UNC5D: variants seen among roughly 807,000 people sequenced by gnomAD.
UNC5D encodes the protein unc-5 netrin receptor D.
Under a neutral mutation model 105.4 loss-of-function variants are expected in UNC5D, and 39 were observed. The ratio of observed to expected loss-of-function variants is 0.37; its 90% confidence interval spans 0.29 to 0.48. The LOEUF (loss-of-function observed/expected upper bound fraction) is 0.48. Ranked by LOEUF, UNC5D falls within the 20% of genes least tolerant of loss-of-function variation. The probability of loss-of-function intolerance (pLI) is 0.98; values close to 1 mark genes in which losing one functional copy is unlikely to be tolerated. For missense variants in UNC5D, 991 were observed against 1,202.4 expected (o/e 0.82, Z 2.60); for synonymous variants, 452 against 450.4 (o/e 1.00, Z -0.04).
In UNC5D at chr8:35,750,752, C is replaced by T; in HGVS notation, c.2106C>T (p.Asn702=). The change falls in exon 13 of 17, where the codon AAC becomes AAT. Residue 702 remains asparagine (N), a synonymous_variant. Transcript: ENST00000404895. ...KVAVFGCMSC[N]SLDYNLRVYC... is the part of the protein sequence containing the mutation. The stretch of plus-strand genomic sequence containing the variant: ...CGGTTTTTGGCTGCATGTCCTGTAA[C>T]TCCCTGGATTACAACTTGAGAGTTT... The T allele has an allele frequency of 6.2e-7, 1 of 1,614,144 alleles. No individual in the cohort carries two copies. The highest frequency in any genetic ancestry group is 8.5e-7 in the Non-Finnish European group (1 of 1,180,018).
chr8:35,330,237 T>C (rs1585599428), intron 1 of UNC5D, among the ~76,000 whole-genome samples: 1 of 152,340 alleles, frequency 6.6e-6, no homozygotes, highest in East Asian at 1.9e-4. Flanking sequence ...ACATATTAAC[T>C]GCTCAATAAA....
intron 7 of UNC5D, among the ~76,000 whole-genome samples, chr8:35,703,106 G>A (rs1357540124): frequency 6.6e-6 from 1 of 151,766 alleles, no homozygotes; most frequent in Non-Finnish European, 1.5e-5. Context: ...GTTTTAACAT[G>A]CATTCAAGAA....
At chr8:35,550,664 T>A (rs1431127510) in intron 2 of UNC5D, among the ~76,000 whole-genome samples, 1 of 152,154 alleles carries the variant, frequency 6.6e-6, no homozygotes, top group African/African-American at 2.4e-5. Context: ...AATATGCCCA[T>A]GAATGCTATG....
At chr8:35,393,125 C>CTTTTTTTT (rs34886215) in intron 1 of UNC5D, among the ~76,000 whole-genome samples, 2 of 75,068 alleles carry the variant, frequency 2.7e-5, no homozygotes, top group Admixed American at 1.8e-4. Context: ...CCTATTCCTA[C>CTTTTTTTT]TTTTTTTTTT....
intron 1 of UNC5D, among the ~76,000 whole-genome samples, chr8:35,522,064 A>C (rs554427416): frequency 6.6e-6 from 1 of 152,224 alleles, no homozygotes; most frequent in Admixed American, 6.5e-5. Flanking sequence ...CTTAGATTTC[A>C]TAACACCATG....
chr8:35,747,298 T>C (rs1381414836), intron 11 of UNC5D, among the ~76,000 whole-genome samples: 1 of 152,198 alleles, frequency 6.6e-6, no homozygotes, highest in Admixed American at 6.5e-5. Context: ...CTTGAGAGAA[T>C]AGGAGTTGTC....
At chr8:35,299,119 G>A (rs542484058) in intron 1 of UNC5D, among the ~76,000 whole-genome samples, 1 of 152,234 alleles carries the variant, frequency 6.6e-6, no homozygotes, top group Admixed American at 6.5e-5. Flanking sequence ...AGAACACTAA[G>A]GAATATGTAA....
Position 35,750,660 on chromosome 8 carries a change from A to T in UNC5D, c.2014A>T (p.Ser672Cys), listed in dbSNP as rs777158239. 1.2e-6 allele frequency: 2 copies of T among 1,613,974 alleles called. No homozygotes were observed. The highest frequency in any genetic ancestry group is 2.7e-5 in the African/African-American group (2 of 74,904). ...DPFACHVLLD[S>C]FGTYALTGEP... is the part of the protein sequence containing the mutation. The stretch of plus-strand genomic sequence containing the variant: ...CTTTGCGTGTCATGTGCTCCTGGAC[A>T]GCTTTGGGACCTATGCGCTCACTGG... The change falls in exon 13 of 17, where the codon AGC (serine) becomes TGC (cysteine). Residue 672 changes from serine (S) to cysteine (C), a missense_variant. Transcript: ENST00000404895.
intron 1 of UNC5D, among the ~76,000 whole-genome samples, chr8:35,426,166 G>A (rs566295847): frequency 5.3e-5 from 8 of 151,948 alleles, no homozygotes; most frequent in South Asian, 2.1e-4. Flanking sequence ...ACAATAAGAC[G>A]TGGATTCTTC....
At chr8:35,473,699 G>T (rs537500982) in intron 1 of UNC5D, among the ~76,000 whole-genome samples, 7 of 152,142 alleles carry the variant, frequency 4.6e-5, no homozygotes, top group South Asian at 4.1e-4. Context: ...TTGTTTTGAG[G>T]CATTAAGTAA....
intron 7 of UNC5D, among the ~76,000 whole-genome samples, chr8:35,694,539 G>A (rs1325281183): frequency 6.6e-6 from 1 of 152,156 alleles, no homozygotes. Flanking sequence ...CCTTGAACAA[G>A]TGTCTTAATT....
intron 1 of UNC5D, among the ~76,000 whole-genome samples, chr8:35,236,851 CT>C (rs1802506143): frequency 6.6e-6 from 1 of 152,092 alleles, no homozygotes; most frequent in Non-Finnish European, 1.5e-5. Flanking sequence ...TCCCTTTTTC[CT>C]TCTCTGTGTT....
chr8:35,601,375 A>G (rs1385407382), intron 4 of UNC5D, among the ~76,000 whole-genome samples: 2 of 152,186 alleles, frequency 1.3e-5, no homozygotes, highest in Non-Finnish European at 2.9e-5. Flanking sequence ...CAGTGAATCT[A>G]TAAATTACCT....
intron 2 of UNC5D, among the ~76,000 whole-genome samples, chr8:35,563,090 G>GT (rs1817074623): frequency 6.6e-6 from 1 of 151,928 alleles, no homozygotes; most frequent in South Asian, 2.1e-4. Context: ...GCCATTCAGA[G>GT]TTTTTTATGG....
Position 35,791,231 on chromosome 8 carries a change from C to G in UNC5D, c.*668C>G, listed in dbSNP as rs1803026600. 1 of 153,694 alleles carries G rather than the reference C, an allele frequency of 6.5e-6. No homozygotes were observed. The highest frequency in any genetic ancestry group is 1.5e-5 in the Non-Finnish European group (1 of 68,806). 9.5% of individuals were successfully genotyped at this position (153,694 alleles called of 1,614,324 possible). A position where few individuals can be genotyped will look rare whatever the true frequency, so the allele number is the denominator to read the frequency against. ...CTTTTACTTTTTTCCTGAGACAAAT[C>G]TACCCTTATTCTTTCTTCCTCTTCC... On this transcript the variant is annotated 3_prime_UTR_variant, in exon 17 of 17. Coordinates refer to ENST00000404895, the MANE Select transcript of UNC5D (RefSeq NM_080872.4).
intron 1 of UNC5D, among the ~76,000 whole-genome samples, chr8:35,391,515 C>A (rs960472270): frequency 6.6e-6 from 1 of 152,094 alleles, no homozygotes; most frequent in Non-Finnish European, 1.5e-5. Flanking sequence ...TGGGTCCATG[C>A]CCCCAGTCTT....
intron 1 of UNC5D, among the ~76,000 whole-genome samples, chr8:35,366,143 T>C (rs1346668884): frequency 6.6e-6 from 1 of 152,098 alleles, no homozygotes; most frequent in Non-Finnish European, 1.5e-5. Context: ...AATATAGGCA[T>C]TCTTGGAATT....
intron 1 of UNC5D, among the ~76,000 whole-genome samples, chr8:35,514,901 C>G (rs891960453): frequency 6.6e-6 from 1 of 152,104 alleles, no homozygotes; most frequent in Non-Finnish European, 1.5e-5. Flanking sequence ...TTCCACCTGT[C>G]GCCCAAATAT....
chr8:35,572,918 C>T (rs1407740759), intron 3 of UNC5D, among the ~76,000 whole-genome samples: 1 of 151,944 alleles, frequency 6.6e-6, no homozygotes, highest in African/African-American at 2.4e-5. Flanking sequence ...ATTCTCCTCC[C>T]TCAGCCTCCC....
Sources: gnomAD v4.1 joint callset for allele counts (sites outside exome capture counted in the v4.1 genomes callset) on GRCh38, gnomAD v4.1.1 for gene constraint, MANE v1.5 for transcripts, NCBI Gene and HGNC (gene_info 2026-07-23, HGNC 2026-07-21) for gene names.